PCDHGA1: variants seen among roughly 807,000 people sequenced by gnomAD.
PCDHGA1 encodes protocadherin gamma subfamily A, 1, also known as protocadherin gamma-A1.
In PCDHGA1, 32 loss-of-function variants were observed where a neutral mutation model predicts 58.0. The ratio of observed to expected loss-of-function variants is 0.55; its 90% CI spans 0.42 to 0.74. The LOEUF is 0.74. Among genes scored for constraint, PCDHGA1 ranks in the 30% least tolerant of loss-of-function variants. The probability of loss-of-function intolerance (pLI) is 0.00; values close to 1 mark genes in which losing one functional copy is unlikely to be tolerated. For missense variants in PCDHGA1, 1,205 were observed against 1,182.3 expected (o/e 1.02, Z -0.28); for synonymous variants, 498 against 501.1 (o/e 0.99, Z 0.08).
At chr5:141,484,061 G>A (rs570687480) in intron 1 of PCDHGA1, among the ~76,000 whole-genome samples, 8 of 152,124 alleles carry the variant, frequency 5.3e-5, no homozygotes, top group Non-Finnish European at 1.0e-4. Context: ...CTGGGGCTAA[G>A]TGAAAAGCTT....
Position 141,370,983 on chromosome 5 carries a change from A to G in PCDHGA1, c.2421+37878A>G, listed in dbSNP as rs200655179. Reference sequence around the variant, plus strand: ...CAGTAGGTACCCAGAGCTAGTACTGAAAGCACCCCTGGACAGGGAAGAGCA... The same window carrying G: ...CAGTAGGTACCCAGAGCTAGTACTGGAAGCACCCCTGGACAGGGAAGAGCA... On this transcript the variant is annotated intron_variant, in intron 1 of 3. Coordinates refer to ENST00000517417, the MANE Select transcript of PCDHGA1 (RefSeq NM_018912.3). 112 of 1,613,998 alleles carry G rather than the reference A, an allele frequency of 6.9e-5. No homozygotes were observed. In the African/African-American group the frequency reaches 1.3e-3, roughly 19 times the overall value.
intron 1 of PCDHGA1, among the ~76,000 whole-genome samples, chr5:141,458,081 G>GTTT (rs1259527184): frequency 6.6e-6 from 1 of 152,186 alleles, no homozygotes; most frequent in Non-Finnish European, 1.5e-5. Flanking sequence ...CTATATTGCC[G>GTTT]TAAGTTAAGA....
At chr5:141,505,913 T>C (rs1457583355) in intron 3 of PCDHGA1, among the ~76,000 whole-genome samples, 1 of 152,098 alleles carries the variant, frequency 6.6e-6, no homozygotes, top group African/African-American at 2.4e-5. Context: ...AAGCATAGAG[T>C]TCTGGGCCTG....
rs768509409 is a variant in PCDHGA1 at position 141,489,236 on chromosome 5, G to C, written c.2422-5571G>C. 1 of 1,531,176 alleles carries C rather than the reference G, an allele frequency of 6.5e-7. No homozygotes were observed. 94.8% of individuals were successfully genotyped at this position (1,531,176 alleles called of 1,614,324 possible). On this transcript the variant is annotated intron_variant, in intron 1 of 3. Transcript: ENST00000517417. The surrounding 1 kb of genome is among the most constrained non-coding windows in gnomAD (Gnocchi z 4.5). The stretch of plus-strand genomic sequence containing the variant: ...ACTTACTCTCCACAAAGGGACTTCT[G>C]GGTCATGGGGCCCAAGACACTCCCA...
At chr5:141,445,427 C>G (rs964779092) in intron 1 of PCDHGA1, among the ~76,000 whole-genome samples, 4 of 152,152 alleles carry the variant, frequency 2.6e-5, no homozygotes, top group African/African-American at 9.7e-5. Flanking sequence ...ATATGCAAGG[C>G]ACTGACCTAT....
intron 1 of PCDHGA1, chr5:141,389,625 G>C: frequency 6.2e-7 from 1 of 1,613,020 alleles, no homozygotes; most frequent in Non-Finnish European, 8.5e-7. Flanking sequence ...GCACGCTGCA[G>C]AGCCTGGCTA....
At position 141,491,049 on chromosome 5, in the gene PCDHGA1, G is replaced by C; in HGVS notation, c.2422-3758G>C. The C allele has an allele frequency of 1.2e-6, 2 of 1,614,116 alleles. No homozygotes were observed. Among genetic ancestry groups the C allele is most frequent in the Admixed American group, 3.3e-5 (2 of 60,024 alleles). On this transcript the variant is annotated intron_variant, in intron 1 of 3. Transcript: ENST00000517417. This position sits in a 1 kb window ranked among gnomAD's most constrained non-coding sequence, Gnocchi z 6.9. ...TGGATGCTGATGCAGGCCACAATGC[G>C]TGGCTCTCCTACTCACTGTTGCCAC...
At chr5:141,346,464 T>G in intron 1 of PCDHGA1, 1 of 1,614,010 alleles carries the variant, frequency 6.2e-7, no homozygotes, top group Non-Finnish European at 8.5e-7. Context: ...TCAGGTGAGT[T>G]TATTTATTTC....
At chr5:141,450,829 ATT>A (rs373424450) in intron 1 of PCDHGA1, among the ~76,000 whole-genome samples, 3 of 135,116 alleles carry the variant, frequency 2.2e-5, no homozygotes, top group African/African-American at 2.7e-5. Flanking sequence ...TATTATTATT[ATT>A]TTTTTTTTTT....
rs375524878 is a variant in PCDHGA1, at chr5:141,350,770, C to T, written c.2421+17665C>T. Reference sequence around the variant, plus strand: ...ATTCACTGAAGTTATACACCATCAACCCCAATCAATACTTCTCTCTGTCAA... The same window carrying T: ...ATTCACTGAAGTTATACACCATCAATCCCAATCAATACTTCTCTCTGTCAA... On this transcript the variant is annotated intron_variant, in intron 1 of 3. Coordinates refer to ENST00000517417, the MANE Select transcript of PCDHGA1 (RefSeq NM_018912.3). The T allele has an allele frequency of 1.1e-4, 177 of 1,613,924 alleles. No individual in the cohort carries two copies. The African/African-American group carries it at 2.2e-3, about 20-fold the overall frequency.
chr5:141,492,122 C>G (rs2154587050), intron 1 of PCDHGA1, among the ~76,000 whole-genome samples: 1 of 152,328 alleles, frequency 6.6e-6, no homozygotes, highest in Admixed American at 6.5e-5. Context: ...GATTTCTCCC[C>G]AGCTCCCAGC....
intron 1 of PCDHGA1, among the ~76,000 whole-genome samples, chr5:141,407,049 C>T (rs1483952329): frequency 6.6e-6 from 1 of 152,162 alleles, no homozygotes. Context: ...TCCATAGATA[C>T]ACTGATGACT....
intron 1 of PCDHGA1, chr5:141,398,707 C>G (rs1257471989): frequency 6.8e-6 from 11 of 1,613,742 alleles, no homozygotes; most frequent in African/African-American, 1.3e-5. Context: ...ATACCCGGAA[C>G]TGGCACTGGA....
intron 1 of PCDHGA1, chr5:141,403,329 T>C (rs1325114096): frequency 1.2e-6 from 2 of 1,613,990 alleles, no homozygotes; most frequent in Admixed American, 1.7e-5. Context: ...GTAACTGATA[T>C]TAACGACAGC....
chr5:141,409,720 A>C (rs2095305667), intron 1 of PCDHGA1: 1 of 1,613,176 alleles, frequency 6.2e-7, no homozygotes, highest in Non-Finnish European at 8.5e-7. Context: ...CATACGTGTC[A>C]GTGAGCGCGC....
intron 1 of PCDHGA1, chr5:141,441,653 G>T: frequency 4.1e-6 from 1 of 243,884 alleles, no homozygotes; most frequent in Non-Finnish European, 8.2e-6. Context: ...GATTCTAGGT[G>T]TCCTTGAGCG....
At chr5:141,360,849 C>T (rs1761771921) in intron 1 of PCDHGA1, 2 of 1,613,872 alleles carry the variant, frequency 1.2e-6, no homozygotes, top group African/African-American at 2.7e-5. Context: ...CCAACGATAA[C>T]CCTCCAGTGT....
At chr5:141,466,763 C>T (rs960940073) in intron 1 of PCDHGA1, among the ~76,000 whole-genome samples, 31 of 152,272 alleles carry the variant, frequency 2.0e-4, no homozygotes, top group Middle Eastern at 6.8e-3. Context: ...TCTTTTCAAA[C>T]TGTTATCTTA....
chr5:141,423,233 TC>T, intron 1 of PCDHGA1: 1 of 1,613,860 alleles, frequency 6.2e-7, no homozygotes, highest in Non-Finnish European at 8.5e-7. Flanking sequence ...GCCGACAGCA[TC>T]CCCGAAGTCC....
Sources: allele counts gnomAD v4.1 joint callset (sites outside exome capture counted in the v4.1 genomes callset), GRCh38; gene constraint gnomAD v4.1.1; non-coding constraint Gnocchi (gnomAD v3.1); transcripts MANE v1.5; gene names NCBI Gene and HGNC (gene_info 2026-07-23, HGNC 2026-07-21).